CNTLN: variants seen among roughly 807,000 people sequenced by gnomAD.
CNTLN encodes centlein.
CNTLN carries 212 observed loss-of-function variants against 180.0 expected under a neutral mutation model. That is an observed-to-expected ratio of 1.18 (90% CI 1.05 to 1.32). The LOEUF (loss-of-function observed/expected upper bound fraction) is 1.32. CNTLN is among the 40% of genes most tolerant of loss of function. The probability of loss-of-function intolerance (pLI) is 0.00; values close to 1 mark genes in which losing one functional copy is unlikely to be tolerated. For synonymous variants in CNTLN, 722 were observed against 563.1 expected, an observed-to-expected ratio of 1.28 and a Z score of -3.99; for missense variants, 2,095 against 1,610.9, an observed-to-expected ratio of 1.30 and a Z score of -5.14.
chr9:17,472,824 T>C (rs1435380546), intron 23 of CNTLN, among the ~76,000 whole-genome samples: 1 of 152,174 alleles, frequency 6.6e-6, no homozygotes, highest in East Asian at 1.9e-4. Flanking sequence ...TTTTATTCTT[T>C]GACCACTATT....
At position 17,420,605 on chromosome 9, in the gene CNTLN, G is replaced by C. The variant is rs1028982505; in HGVS notation, c.3114+4416G>C. Among the ~76,000 whole-genome samples the C allele has an allele frequency of 2.6e-5, 4 of 151,196 alleles. No homozygotes were observed. In the East Asian group the frequency reaches 7.8e-4, roughly 29 times the overall value. ...CTTTTCTTCTACTAATTTTGGGTTT[G>C]GTTTGCTCTAGTTTTTCTAGTTCTT... is the stretch of plus-strand genomic sequence containing the variant. On this transcript the variant is annotated intron_variant, in intron 18 of 25. Coordinates refer to ENST00000380647, the MANE Select transcript of CNTLN (RefSeq NM_017738.4).
intron 13 of CNTLN, among the ~76,000 whole-genome samples, chr9:17,372,424 A>C (rs562129569): frequency 2.5e-4 from 38 of 152,266 alleles, no homozygotes; most frequent in African/African-American, 8.9e-4. Context: ...TTATTGAACC[A>C]TGAAGAAATC....
At chr9:17,330,574 A>G (rs1315637634) in intron 8 of CNTLN, 58 bp from the exon 9 acceptor site, 3 of 931,980 alleles carry the variant, frequency 3.2e-6, no homozygotes, top group Non-Finnish European at 4.7e-6. Flanking sequence ...CTATTTATTT[A>G]TAAATAATGT....
rs528123555 is a variant in CNTLN at position 17,280,308 on chromosome 9, CT to C, written c.983+6443del. Among the ~76,000 whole-genome samples the C allele has an allele frequency of 7.2e-5, 11 of 152,140 alleles. No individual in the cohort carries two copies. In the South Asian group the frequency reaches 2.3e-3, roughly 32 times the overall value. On this transcript the variant is annotated intron_variant, in intron 6 of 25. Transcript: ENST00000380647. ...TAGATTGTCCTTAATTCCCTTTGAT[CT>C]GTATCTAGAGGAACTTCTCAAGTTT... is the stretch of plus-strand genomic sequence containing the variant.
intron 12 of CNTLN, among the ~76,000 whole-genome samples, chr9:17,353,001 G>A (rs1370010561): frequency 6.6e-6 from 1 of 152,202 alleles, no homozygotes; most frequent in African/African-American, 2.4e-5. Flanking sequence ...TGGCTACTCT[G>A]AATAGTGCTG....
chr9:17,445,111 T>G (rs1188593269), intron 18 of CNTLN, among the ~76,000 whole-genome samples: 2 of 152,162 alleles, frequency 1.3e-5, no homozygotes, highest in Non-Finnish European at 2.9e-5. Flanking sequence ...AAAATGTCCA[T>G]TTTTCACTAT....
chr9:17,203,552 T>TTTTG lies in CNTLN; in HGVS notation c.450-22635_450-22632dup, dbSNP rs537276321. Among the ~76,000 whole-genome samples the TTTTG allele has an allele frequency of 5.4e-3, 817 of 152,002 alleles. 4 individuals are homozygous for TTTTG. Among genetic ancestry groups the TTTTG allele is most frequent in the Non-Finnish European group, 8.3e-3 (565 of 67,932 alleles). On this transcript the variant is annotated intron_variant, in intron 2 of 25. Transcript: ENST00000380647. ...TCCTTTTAATTCTTTTTTGGTTTGT[T>TTTTG]TTTGTTTGTTTGTTTGTTTTTTGAG...
chr9:17,463,046 G>A (rs1483267862), intron 20 of CNTLN, 33 bp downstream of exon 20: 3 of 1,348,928 alleles, frequency 2.2e-6, no homozygotes, highest in African/African-American at 1.5e-5. Context: ...CATTGTATTT[G>A]GTGCCACCTA....
intron 12 of CNTLN, among the ~76,000 whole-genome samples, chr9:17,345,537 T>G (rs1564013547): frequency 6.7e-6 from 1 of 150,120 alleles, no homozygotes; most frequent in Admixed American, 6.6e-5. Flanking sequence ...TTTGAGTAGT[T>G]TTTTTTTTTA....
intron 5 of CNTLN, among the ~76,000 whole-genome samples, chr9:17,253,653 G>T (rs1323909316): frequency 6.6e-6 from 1 of 150,376 alleles, no homozygotes; most frequent in Non-Finnish European, 1.5e-5. Flanking sequence ...ATCAGTTCTG[G>T]AGTTTTTCTG....
At chr9:17,519,689 A>G in the CNTLN span, among the ~76,000 whole-genome samples, 1 of 152,182 alleles carries the variant, frequency 6.6e-6, no homozygotes, top group African/African-American at 2.4e-5. Flanking sequence ...TTATGTGTTT[A>G]TTGGATTTGA....
intron 6 of CNTLN, among the ~76,000 whole-genome samples, chr9:17,291,185 C>G (rs1359830128): frequency 6.6e-6 from 1 of 152,108 alleles, no homozygotes; most frequent in Non-Finnish European, 1.5e-5. Flanking sequence ...GATTTCAGTT[C>G]TTTTGTATTT....
At chr9:17,475,953 T>G (rs903154193) in intron 23 of CNTLN, among the ~76,000 whole-genome samples, 1 of 152,102 alleles carries the variant, frequency 6.6e-6, no homozygotes, top group Admixed American at 6.5e-5. Flanking sequence ...TTTGCTTTAT[T>G]GCTTTTCTCA....
intron 10 of CNTLN, among the ~76,000 whole-genome samples, chr9:17,335,166 C>T (rs1820922017): frequency 6.6e-6 from 1 of 152,168 alleles, no homozygotes; most frequent in South Asian, 2.1e-4. Flanking sequence ...TATTGGGGTT[C>T]ATGCTTTTAG....
intron 25 of CNTLN, among the ~76,000 whole-genome samples, chr9:17,491,909 C>A (rs1288823793): frequency 7.1e-6 from 1 of 141,030 alleles, no homozygotes; most frequent in African/African-American, 3.2e-5. Context: ...GAATATACTA[C>A]TAGCCTGAAG....
intron 6 of CNTLN, among the ~76,000 whole-genome samples, chr9:17,295,129 G>A (rs1295412007): frequency 6.6e-6 from 1 of 151,308 alleles, no homozygotes; most frequent in African/African-American, 2.4e-5. Context: ...CTCTGAGTGC[G>A]GGCCGCCAAG....
chr9:17,274,501 CTATG>C (rs1355492035), intron 6 of CNTLN, among the ~76,000 whole-genome samples: 7 of 105,162 alleles, frequency 6.7e-5, no homozygotes, highest in East Asian at 2.8e-4. Context: ...ATCTATCTAT[CTATG>C]TATCTTTCTA....
Position 17,409,429 on chromosome 9 carries a change from G to T in CNTLN, c.2752G>T (p.Glu918Ter), listed in dbSNP as rs1827669299. ...PTEDSQTQGK[E>*]IVQTYLNIDG... ...AGAAGACAGCCAAACACAAGGAAAA[G>T]AAATAGTACAGACATATTTAAATAT... is the stretch of plus-strand genomic sequence containing the variant. Residue 918 changes from glutamate (E) to a stop codon, truncating the protein, a stop_gained, in exon 16 of 26, where the codon GAA (glutamate) becomes TAA (stop). Coordinates refer to ENST00000380647, the MANE Select transcript of CNTLN (RefSeq NM_017738.4). LOFTEE classifies it high-confidence loss of function. The T allele has an allele frequency of 1.9e-6, 3 of 1,612,650 alleles. 1 individual carries two copies. The highest frequency in any genetic ancestry group is 2.2e-5 in the South Asian group (2 of 90,936).
At chr9:17,519,876 G>GA in the CNTLN span, among the ~76,000 whole-genome samples, 15 of 152,172 alleles carry the variant, frequency 9.9e-5, no homozygotes, top group African/African-American at 3.6e-4. Flanking sequence ...TAACAAACAG[G>GA]ACATAAAGCT....
Sources: allele counts gnomAD v4.1 joint callset (sites outside exome capture counted in the v4.1 genomes callset), GRCh38; gene constraint gnomAD v4.1.1; transcripts MANE v1.5; gene names NCBI Gene and HGNC (gene_info 2026-07-23, HGNC 2026-07-21).